ATOX1: variants seen among roughly 807,000 people sequenced by gnomAD.
ATOX1 encodes the protein antioxidant 1 copper chaperone.
In ATOX1, 4 loss-of-function variants were observed where a neutral mutation model predicts 7.3. The ratio of observed to expected loss-of-function variants is 0.55; its 90% CI spans 0.27 to 1.25. ATOX1 has a LOEUF of 1.25. ATOX1 is among the 50% of genes most tolerant of loss of function. The pLI is 0.12. For missense variants in ATOX1, 68 were observed against 81.6 expected, an observed-to-expected ratio of 0.83 and a Z score of 0.64; for synonymous variants, 25 against 28.7, an observed-to-expected ratio of 0.87 and a Z score of 0.41.
intron 2 of ATOX1, among the ~76,000 whole-genome samples, chr5:151,746,800 C>T (rs1473706256): frequency 6.6e-6 from 1 of 152,126 alleles, no homozygotes; most frequent in African/African-American, 2.4e-5. Context: ...GTGGCATGAT[C>T]TCAGCTCACT....
intron 2 of ATOX1, among the ~76,000 whole-genome samples, chr5:151,748,681 G>C (rs1440283375): frequency 6.6e-6 from 1 of 152,114 alleles, no homozygotes; most frequent in Non-Finnish European, 1.5e-5. Flanking sequence ...GGCTAACGTG[G>C]TGAAACCCCA....
At chr5:151,753,434 G>A (rs911746011) in intron 1 of ATOX1, among the ~76,000 whole-genome samples, 4 of 152,138 alleles carry the variant, frequency 2.6e-5, no homozygotes, top group African/African-American at 9.7e-5. Flanking sequence ...TGGGTAAAAG[G>A]TTAGCTATTG....
chr5:151,758,560 C>CAGCGGCGGTGT lies in ATOX1; in HGVS notation c.-20_-10dup. The stretch of plus-strand genomic sequence containing the variant: ...CAACCACTCACCGGCATGACTGAGG[C>CAGCGGCGGTGT]AGCGGCGGTGTGGCGGCGGTGTGGC... On this transcript the variant is annotated 5_prime_UTR_variant, in exon 1 of 4. Transcript: ENST00000313115. 1 of 1,428,424 alleles carries CAGCGGCGGTGT rather than the reference C, an allele frequency of 7.0e-7. No individual in the cohort carries two copies. The highest frequency in any genetic ancestry group is 2.8e-5 in the East Asian group (1 of 35,582). The allele number at this position is 1,428,424 out of a possible 1,614,324, so 88.5% of individuals were successfully genotyped here.
chr5:151,752,630 G>C (rs1280353341), intron 1 of ATOX1, among the ~76,000 whole-genome samples: 6 of 150,140 alleles, frequency 4.0e-5, no homozygotes, highest in African/African-American at 1.3e-4. Context: ...TGGATCTTTT[G>C]CTTTGCTTTC....
chr5:151,755,181 A>C (rs1450373887), intron 1 of ATOX1, among the ~76,000 whole-genome samples: 1 of 152,176 alleles, frequency 6.6e-6, no homozygotes, highest in East Asian at 1.9e-4. Flanking sequence ...CAGAAAATCA[A>C]TTCATCTATG....
At chr5:151,743,591 T>C (rs971780795) in intron 3 of ATOX1, 4 of 152,200 alleles carry the variant, frequency 2.6e-5, no homozygotes, top group Admixed American at 6.5e-5. Flanking sequence ...GCATGATGTC[T>C]AGAATTTGCT....
intron 1 of ATOX1, among the ~76,000 whole-genome samples, chr5:151,758,343 C>T (rs2113190377): frequency 6.6e-6 from 1 of 152,394 alleles, no homozygotes; most frequent in Non-Finnish European, 1.5e-5. Flanking sequence ...GTTTTGAAGC[C>T]TGGCTCCCAG....
chr5:151,754,693 GC>G (rs745432813), intron 1 of ATOX1, among the ~76,000 whole-genome samples: 2 of 151,918 alleles, frequency 1.3e-5, no homozygotes, highest in East Asian at 3.9e-4. Flanking sequence ...TTAAAACATA[GC>G]CCAAATCGGG....
chr5:151,754,720 C>T (rs1761990877), intron 1 of ATOX1, among the ~76,000 whole-genome samples: 1 of 151,742 alleles, frequency 6.6e-6, no homozygotes, highest in African/African-American at 2.4e-5. Flanking sequence ...TGTGGTGGCT[C>T]ATGCCTGTAA....
rs781699929 is a variant in ATOX1 at position 151,758,560 on chromosome 5, CAGCGGCGGTGT to C, written c.-20_-10del. 108 of 1,428,426 alleles carry C rather than the reference CAGCGGCGGTGT, an allele frequency of 7.6e-5. 2 individuals carry two copies. In the South Asian group the frequency reaches 1.3e-3, roughly 17 times the overall value. 88.5% of individuals were successfully genotyped at this position (1,428,426 alleles called of 1,614,324 possible). On this transcript the variant is annotated 5_prime_UTR_variant, in exon 1 of 4. Transcript: ENST00000313115. The stretch of plus-strand genomic sequence containing the variant: ...CAACCACTCACCGGCATGACTGAGG[CAGCGGCGGTGT>C]GGCGGCGGTGTGGCGGCGGTGTCAG...
intron 2 of ATOX1, 33 bp downstream of exon 2, chr5:151,751,671 A>G (rs1433911244): frequency 6.3e-7 from 1 of 1,582,166 alleles, no homozygotes; most frequent in Admixed American, 1.8e-5. Flanking sequence ...TGAACATGGC[A>G]TAAGTGCACC....
At chr5:151,743,288 C>G (rs1223331569) in intron 3 of ATOX1, 1 of 152,222 alleles carries the variant, frequency 6.6e-6, no homozygotes, top group Non-Finnish European at 1.5e-5. Flanking sequence ...ACAGCACTCT[C>G]TATCCTGTTA....
At chr5:151,758,041 T>A (rs1025894917) in intron 1 of ATOX1, among the ~76,000 whole-genome samples, 1 of 152,124 alleles carries the variant, frequency 6.6e-6, no homozygotes, top group Admixed American at 6.5e-5. Flanking sequence ...CCAGAGTTGA[T>A]CTGAAAAGTA....
chr5:151,746,693 AC>A, intron 2 of ATOX1: 1 of 394,912 alleles, frequency 2.5e-6, no homozygotes, highest in Non-Finnish European at 4.7e-6. Context: ...ACATACAAAA[AC>A]AGGCTGTGAG....
At chr5:151,749,923 GC>G (rs1302682096) in intron 2 of ATOX1, among the ~76,000 whole-genome samples, 2 of 152,200 alleles carry the variant, frequency 1.3e-5, no homozygotes, top group African/African-American at 2.4e-5. Flanking sequence ...CTGGACACTG[GC>G]ATCGACATCC....
At chr5:151,750,851 A>G (rs1270842785) in intron 2 of ATOX1, among the ~76,000 whole-genome samples, 4 of 151,594 alleles carry the variant, frequency 2.6e-5, no homozygotes, top group Non-Finnish European at 5.9e-5. Context: ...GCATTTTACC[A>G]TGTTGCCCAG....
rs189545628 is a variant in ATOX1, at chr5:151,758,628, G to A, written c.-77C>T. On this transcript the variant is annotated 5_prime_UTR_variant, in exon 1 of 4. Transcript: ENST00000313115. ...CTCTCTGGATTCGGAGGGCGGGTTC[G>A]GCTGCGCTTCCGAGAGTGCGCACTA... is the stretch of plus-strand genomic sequence containing the variant. 13 of 1,347,116 alleles carry A rather than the reference G, an allele frequency of 9.7e-6. No individual in the cohort carries two copies. In the African/African-American group the frequency reaches 1.4e-4, roughly 14 times the overall value. 83.4% of individuals were successfully genotyped at this position (1,347,116 alleles called of 1,614,324 possible).
At chr5:151,756,444 TTTTC>T (rs1232174253) in intron 1 of ATOX1, among the ~76,000 whole-genome samples, 1 of 150,920 alleles carries the variant, frequency 6.6e-6, no homozygotes, top group African/African-American at 2.4e-5. Flanking sequence ...TCTTTCTTTC[TTTTC>T]TTTCTCTCTC....
intron 3 of ATOX1, 138 bp downstream of exon 3, chr5:151,746,141 C>A: frequency 1.4e-6 from 1 of 714,570 alleles, no homozygotes; most frequent in Non-Finnish European, 2.2e-6. Flanking sequence ...TGTAACCACT[C>A]CAAAGAAGGT....
Sources: allele counts gnomAD v4.1 joint callset (sites outside exome capture counted in the v4.1 genomes callset), GRCh38; gene constraint gnomAD v4.1.1; transcripts MANE v1.5; gene names NCBI Gene and HGNC (gene_info 2026-07-23, HGNC 2026-07-21).